TMEM39A: variants seen among roughly 807,000 people sequenced by gnomAD.
TMEM39A encodes suppressor of SQST-1 aggregates in rpl-43 mutants.
TMEM39A carries 19 observed loss-of-function variants against 51.9 expected under a neutral mutation model. The ratio of observed to expected loss-of-function variants is 0.37; its 90% confidence interval spans 0.26 to 0.54. The LOEUF is 0.54. TMEM39A is among the 20% of genes least tolerant of loss of function. The pLI is 0.88. For missense variants in TMEM39A, 433 were observed against 590.5 expected, an observed-to-expected ratio of 0.73 and a Z score of 2.76; for synonymous variants, 197 against 220.2, an observed-to-expected ratio of 0.89 and a Z score of 0.93.
At chr3:119,436,012 G>C in intron 7 of TMEM39A, 1 of 1,085,524 alleles carries the variant, frequency 9.2e-7, no homozygotes, top group South Asian at 1.4e-5. Context: ...ACCTCAATCT[G>C]TCCCACTTAA....
At chr3:119,461,216 T>C (rs1314951808) in intron 2 of TMEM39A, among the ~76,000 whole-genome samples, 1 of 152,120 alleles carries the variant, frequency 6.6e-6, no homozygotes, top group African/African-American at 2.4e-5. Flanking sequence ...CAAACTGGAA[T>C]TTCAGGGAGA....
intron 2 of TMEM39A, among the ~76,000 whole-genome samples, chr3:119,460,990 A>G (rs1308728732): frequency 6.6e-6 from 1 of 152,080 alleles, no homozygotes; most frequent in African/African-American, 2.4e-5. Flanking sequence ...AATTTTGTAA[A>G]ATTCAGTAAA....
chr3:119,456,163 A>G (rs2081260700), intron 3 of TMEM39A, among the ~76,000 whole-genome samples: 1 of 152,224 alleles, frequency 6.6e-6, no homozygotes, highest in Admixed American at 6.5e-5. Flanking sequence ...GTATTTATTT[A>G]TAGAACTATA....
rs577344593 is a variant in TMEM39A, at chr3:119,431,765, T to A, written c.*216A>T. 24 of 371,998 alleles carry A rather than the reference T, an allele frequency of 6.5e-5. No individual in the cohort carries two copies. Among genetic ancestry groups the A allele is most frequent in the African/African-American group, 5.0e-4 (24 of 47,746 alleles). The allele number at this position is 371,998 out of a possible 1,614,324, so 23.0% of individuals were successfully genotyped here. On this transcript the variant is annotated 3_prime_UTR_variant, in exon 9 of 9. Coordinates refer to ENST00000319172, the MANE Select transcript of TMEM39A (RefSeq NM_018266.3). The stretch of plus-strand genomic sequence containing the variant: ...AATCAATCTCTTTACTGGACAGGCA[T>A]ACCTCTCATATGTATATTATTCGAA...
chr3:119,462,167 A>G lies in TMEM39A; in HGVS notation c.-74-19T>C. On this transcript the variant is annotated intron_variant, in intron 1 of 8. Transcript: ENST00000319172. ...TTCAACTCTGAACGACAACAAAAAC[A>G]TTTAAACATCAGTAGACTATTTTTA... is the stretch of plus-strand genomic sequence containing the variant. The G allele has an allele frequency of 1.2e-6, 1 of 868,470 alleles. No individual in the cohort carries two copies. Among genetic ancestry groups the G allele is most frequent in the Non-Finnish European group, 1.9e-6 (1 of 539,868 alleles). The allele number at this position is 868,470 out of a possible 1,614,324, so 53.8% of individuals were successfully genotyped here.
chr3:119,443,926 T>C (rs1452034191), intron 5 of TMEM39A, among the ~76,000 whole-genome samples: 2 of 151,646 alleles, frequency 1.3e-5, no homozygotes, highest in Non-Finnish European at 2.9e-5. Flanking sequence ...TAAAATAAAA[T>C]AAAATAAAAT....
rs763324461 is a variant in TMEM39A at position 119,437,823 on chromosome 3, T to G, written c.856A>C (p.Lys286Gln). The G allele has an allele frequency of 1.2e-6, 2 of 1,605,830 alleles. No homozygotes were observed. Among genetic ancestry groups the G allele is most frequent in the African/African-American group, 1.3e-5 (1 of 74,912 alleles). ...CLKADFNHRI[K>Q]EVLFNSLFSA... ...AAGAGGGAGTTGAAGAGAACCTCCT[T>G]GATTCTGTGGTTGAAATCTGCTTTC... The change falls in exon 6 of 9, where the codon AAG becomes CAG. Residue 286 changes from lysine to glutamine, a missense_variant. Lys to Gln is a moderately conservative substitution (Grantham distance 53). Around this residue, in one of 3 missense-constraint regions of TMEM39A, gnomAD observed 223 missense variants for 328.1 expected, o/e 0.68. Coordinates refer to ENST00000319172, the MANE Select transcript of TMEM39A (RefSeq NM_018266.3).
intron 5 of TMEM39A, among the ~76,000 whole-genome samples, chr3:119,442,902 A>G (rs866842372): frequency 1.3e-5 from 2 of 151,826 alleles, no homozygotes; most frequent in African/African-American, 4.8e-5. Flanking sequence ...TCTACAAAAA[A>G]ACAAAATACA....
At chr3:119,435,840 C>T in intron 7 of TMEM39A, 4 of 1,288,954 alleles carry the variant, frequency 3.1e-6, no homozygotes, top group Non-Finnish European at 4.0e-6. Context: ...ATTGTATTTT[C>T]AATTTTTATT....
Position 119,431,947 on chromosome 3 carries a change from T to G in TMEM39A, c.*34A>C. 7.3e-7 allele frequency: 1 copy of G among 1,378,148 alleles called. No homozygotes were observed. The highest frequency in any genetic ancestry group is 9.8e-7 in the Non-Finnish European group (1 of 1,016,950). The allele number at this position is 1,378,148 out of a possible 1,614,324, so 85.4% of individuals were successfully genotyped here. A position where few individuals can be genotyped will look rare whatever the true frequency, so the allele number is the denominator to read the frequency against. The stretch of plus-strand genomic sequence containing the variant: ...AAAAATAGAACGTATGAAAATATTT[T>G]TATCTGAGTTCTCCCTCATTGTTGA... On this transcript the variant is annotated 3_prime_UTR_variant, in exon 9 of 9. Transcript: ENST00000319172.
chr3:119,451,440 T>C, intron 4 of TMEM39A: 1 of 526,536 alleles, frequency 1.9e-6, no homozygotes, highest in Non-Finnish European at 3.1e-6. Context: ...CCACTTCAGC[T>C]AAATTAACAT....
chr3:119,440,284 T>C (rs1004067580), intron 5 of TMEM39A, among the ~76,000 whole-genome samples: 1 of 152,150 alleles, frequency 6.6e-6, no homozygotes, highest in Admixed American at 6.5e-5. Context: ...CCTCATTCTA[T>C]GGGTGAGGCG....
At chr3:119,441,439 TG>T (rs1211439335) in intron 5 of TMEM39A, among the ~76,000 whole-genome samples, 9 of 152,246 alleles carry the variant, frequency 5.9e-5, no homozygotes, top group African/African-American at 2.2e-4. Context: ...TGATATGGTC[TG>T]GATCGACCAG....
intron 5 of TMEM39A, among the ~76,000 whole-genome samples, chr3:119,443,968 T>C (rs1194710499): frequency 6.6e-6 from 1 of 152,174 alleles, no homozygotes; most frequent in Non-Finnish European, 1.5e-5. Context: ...ATAACTTTCA[T>C]ATGCACTAGG....
At chr3:119,462,199 G>A in intron 1 of TMEM39A, 51 bp from the exon 2 acceptor site, 1 of 669,716 alleles carries the variant, frequency 1.5e-6, no homozygotes, top group Non-Finnish European at 2.6e-6. Flanking sequence ...TTTAAAGTAG[G>A]CAACAAAACA....
At chr3:119,459,116 G>A (rs180807240) in intron 2 of TMEM39A, among the ~76,000 whole-genome samples, 1 of 152,304 alleles carries the variant, frequency 6.6e-6, no homozygotes, top group Non-Finnish European at 1.5e-5. Flanking sequence ...GAATGCAGGT[G>A]TTCAACATAG....
chr3:119,458,348 C>A, intron 2 of TMEM39A, 108 bp from the exon 3 acceptor site: 2 of 845,206 alleles, frequency 2.4e-6, no homozygotes, highest in South Asian at 3.4e-5. Context: ...TCTGCTTTCC[C>A]CACAAGACTC....
intron 2 of TMEM39A, among the ~76,000 whole-genome samples, chr3:119,458,653 G>C (rs187773281): frequency 1.3e-5 from 2 of 152,270 alleles, no homozygotes; most frequent in African/African-American, 4.8e-5. Context: ...CCAGCACTTT[G>C]GGAGGCCGAG....
chr3:119,457,267 G>T (rs1330188748), intron 3 of TMEM39A, among the ~76,000 whole-genome samples: 1 of 152,222 alleles, frequency 6.6e-6, no homozygotes, highest in Non-Finnish European at 1.5e-5. Context: ...ACCGCGCCCG[G>T]CCTATCATGG....
Sources: gnomAD v4.1 joint callset for allele counts (sites outside exome capture counted in the v4.1 genomes callset) on GRCh38, gnomAD v4.1.1 for gene constraint, gnomAD v4.1.1 regional missense constraint, MANE v1.5 for transcripts, NCBI Gene and HGNC (gene_info 2026-07-23, HGNC 2026-07-21) for gene names.